RFX6: variants seen among roughly 807,000 people sequenced by gnomAD.
The protein encoded by RFX6 is DNA-binding protein RFX6.
Under a neutral mutation model 110.8 loss-of-function variants are expected in RFX6, and 50 were observed. That is an observed-to-expected ratio of 0.45 (90% CI 0.36 to 0.57). The LOEUF is 0.57. Ranked by LOEUF, RFX6 falls within the 20% of genes least tolerant of loss-of-function variation. The pLI is 0.00. For synonymous variants in RFX6, 383 were observed against 411.2 expected, an observed-to-expected ratio of 0.93 and a Z score of 0.83; for missense variants, 990 against 1,127.0, an observed-to-expected ratio of 0.88 and a Z score of 1.74.
chr6:116,886,377 C>A (rs904994514), intron 4 of RFX6, among the ~76,000 whole-genome samples: 1 of 152,138 alleles, frequency 6.6e-6, no homozygotes, highest in African/African-American at 2.4e-5. Context: ...TCAAAAGGTT[C>A]TCCTGTACTC....
At chr6:116,907,151 G>A (rs1052744924) in intron 6 of RFX6, among the ~76,000 whole-genome samples, 2 of 151,814 alleles carry the variant, frequency 1.3e-5, no homozygotes, top group Non-Finnish European at 2.9e-5. Context: ...TTAATGTGAT[G>A]TAACACATTT....
chr6:116,891,458 A>G (rs184693445), intron 4 of RFX6, among the ~76,000 whole-genome samples: 5 of 152,362 alleles, frequency 3.3e-5, no homozygotes, highest in Admixed American at 3.3e-4. Flanking sequence ...GTATTTCTTT[A>G]GCAAGTGGCT....
chr6:116,924,120 A>G (rs1426810035), intron 14 of RFX6, among the ~76,000 whole-genome samples: 1 of 152,200 alleles, frequency 6.6e-6, no homozygotes, highest in African/African-American at 2.4e-5. Context: ...TGGAAAATCT[A>G]TTGAATAGTT....
Position 116,878,228 on chromosome 6 carries a change from C to T in RFX6, c.380+276C>T, listed in dbSNP as rs11754683. Among the ~76,000 whole-genome samples, 40,389 of 151,968 alleles carry T rather than the reference C, an allele frequency of 0.27. 5,543 individuals carry two copies. The highest frequency in any genetic ancestry group is 0.3 in the Non-Finnish European group (20,074 of 67,934). Reference sequence around the variant, plus strand: ...TTCTTCAAATGTAAGCATTAATGAACGTTTTTATGACTTACTGGCTTAATA... The same window carrying T: ...TTCTTCAAATGTAAGCATTAATGAATGTTTTTATGACTTACTGGCTTAATA... On this transcript the variant is annotated intron_variant, in intron 2 of 18. Coordinates refer to ENST00000332958, the MANE Select transcript of RFX6 (RefSeq NM_173560.4).
intron 4 of RFX6, among the ~76,000 whole-genome samples, chr6:116,886,188 T>G (rs943614789): frequency 6.6e-6 from 1 of 152,160 alleles, no homozygotes; most frequent in African/African-American, 2.4e-5. Flanking sequence ...TAAATAAATG[T>G]GATATTTATT....
intron 4 of RFX6, among the ~76,000 whole-genome samples, chr6:116,886,950 C>A (rs1742486854): frequency 6.6e-6 from 1 of 152,066 alleles, no homozygotes. Context: ...GTAGTCCCAG[C>A]TACTCAGGAA....
In RFX6 at chr6:116,925,802, A is replaced by G. The variant is rs1408315430; in HGVS notation, c.1885+143A>G. The G allele has an allele frequency of 1.0e-5, 7 of 680,028 alleles. No individual in the cohort carries two copies. The Admixed American group carries it at 1.7e-4, about 17-fold the overall frequency. 42.1% of individuals were successfully genotyped at this position (680,028 alleles called of 1,614,324 possible). A position where few individuals can be genotyped will look rare whatever the true frequency, so the allele number is the denominator to read the frequency against. On this transcript the variant is annotated intron_variant, in intron 16 of 18. Transcript: ENST00000332958. Reference sequence around the variant, plus strand: ...AACTGAGTTTTAATAAAGATTTATAATATTTTTGTGATTTTCAGCAATGGT... The same window carrying G: ...AACTGAGTTTTAATAAAGATTTATAGTATTTTTGTGATTTTCAGCAATGGT...
Position 116,890,850 on chromosome 6 carries a change from A to G in RFX6, c.567-3137A>G, listed in dbSNP as rs1310372987. Reference sequence around the variant, plus strand: ...GTAGGTAGAGGCATTAAATATTTCTATTTGTAAAGATATTCTGTCCTAATG... The same window carrying G: ...GTAGGTAGAGGCATTAAATATTTCTGTTTGTAAAGATATTCTGTCCTAATG... On this transcript the variant is annotated intron_variant, in intron 4 of 18. Transcript: ENST00000332958. Among the ~76,000 whole-genome samples the G allele has an allele frequency of 1.8e-4, 27 of 152,168 alleles. 1 individual carries two copies. The highest frequency in any genetic ancestry group is 1.8e-3 in the Admixed American group (27 of 15,270).
chr6:116,916,498 A>G (rs1775469253), intron 9 of RFX6, among the ~76,000 whole-genome samples, 184 bp downstream of exon 9: 1 of 152,142 alleles, frequency 6.6e-6, no homozygotes, highest in African/African-American at 2.4e-5. Context: ...TTTTAATTGA[A>G]GTTTACATTA....
chr6:116,886,157 T>C (rs1439422443), intron 4 of RFX6, among the ~76,000 whole-genome samples: 1 of 152,160 alleles, frequency 6.6e-6, no homozygotes, highest in Admixed American at 6.5e-5. Flanking sequence ...ACTAAATATT[T>C]GTTGAATTAT....
chr6:116,925,413 G>GAA (rs67292089), intron 15 of RFX6, 40 bp from the exon 16 acceptor site: 14 of 1,503,678 alleles, frequency 9.3e-6, no homozygotes, highest in Non-Finnish European at 1.2e-5. Context: ...AGGAATGTGA[G>GAA]AAAAAATCTC....
In RFX6 at chr6:116,877,861, A is replaced by T. The variant is rs1473013984; in HGVS notation, c.289A>T (p.Thr97Ser). 1.1e-5 allele frequency: 17 copies of T among 1,614,018 alleles called. No homozygotes were observed. In the Admixed American group the frequency reaches 2.8e-4, roughly 27 times the overall value. ...EEDADNHDSK[T>S]KAADQYLSQK... ...GGACGCCGACAACCACGACAGCAAA[A>T]CCAAAGCAGCGGATCAATACCTGTC... Residue 97 changes from threonine (T) to serine (S), a missense_variant, in exon 2 of 19, where the codon ACC (threonine) becomes TCC (serine). This residue lies in a region of RFX6 where 175 missense variants were observed against 162.3 expected (regional missense o/e 1.08). Transcript: ENST00000332958.
chr6:116,918,090 T>A lies in RFX6; in HGVS notation c.1022+4T>A. On this transcript the variant is annotated splice_donor_region_variant and intron_variant, in intron 10 of 18. Transcript: ENST00000332958. The stretch of plus-strand genomic sequence containing the variant: ...CAATGCAAGAAATGCCTGAAAGGTA[T>A]GTTCAGTTAATAAAACATGAGCATT... 6.3e-7 allele frequency: 1 copy of A among 1,599,364 alleles called. No individual in the cohort carries two copies. The highest frequency in any genetic ancestry group is 1.7e-5 in the Admixed American group (1 of 59,952).
chr6:116,887,383 C>G (rs1177035461), intron 4 of RFX6, among the ~76,000 whole-genome samples: 1 of 152,174 alleles, frequency 6.6e-6, no homozygotes, highest in African/African-American at 2.4e-5. Flanking sequence ...AGTTCCTTCA[C>G]GCTTACCATC....
chr6:116,897,379 A>G (rs1774972823), intron 6 of RFX6, among the ~76,000 whole-genome samples: 1 of 152,174 alleles, frequency 6.6e-6, no homozygotes, highest in Non-Finnish European at 1.5e-5. Context: ...GTGACAACCA[A>G]AAACGTCTCT....
At chr6:116,924,597 C>T in intron 14 of RFX6, 72 bp from the exon 15 acceptor site, 1 of 1,357,300 alleles carries the variant, frequency 7.4e-7, no homozygotes, top group Non-Finnish European at 1.1e-6. Context: ...ACTTCTCTTT[C>T]CCTTTCCTTC....
chr6:116,920,981 T>G (rs961643805), intron 12 of RFX6, among the ~76,000 whole-genome samples: 1 of 152,202 alleles, frequency 6.6e-6, no homozygotes, highest in African/African-American at 2.4e-5. Flanking sequence ...AGCACAATAC[T>G]GCTTTTCAAA....
chr6:116,909,825 C>T (rs1019060514), intron 6 of RFX6, among the ~76,000 whole-genome samples: 1 of 132,710 alleles, frequency 7.5e-6, no homozygotes, highest in Non-Finnish European at 1.5e-5. Flanking sequence ...TGGCTCACTG[C>T]AAGCTCTGCC....
At chr6:116,916,431 CTTT>C (rs80305689) in intron 9 of RFX6, 117 bp downstream of exon 9, 2 of 681,404 alleles carry the variant, frequency 2.9e-6, no homozygotes, top group East Asian at 5.8e-5. Flanking sequence ...TATACACTGT[CTTT>C]TTTTTTGATG....
Sources: allele counts gnomAD v4.1 joint callset (sites outside exome capture counted in the v4.1 genomes callset), GRCh38; gene constraint gnomAD v4.1.1; regional missense constraint gnomAD v4.1.1; transcripts MANE v1.5; gene names NCBI Gene and HGNC (gene_info 2026-07-23, HGNC 2026-07-21).